DOCK9: variants seen among roughly 807,000 people sequenced by gnomAD.
DOCK9 encodes the protein dedicator of cytokinesis protein 9.
A neutral mutation model predicts 263.3 loss-of-function variants in DOCK9; 89 were observed. That is an observed-to-expected ratio of 0.34 (90% confidence interval 0.28 to 0.40). The LOEUF is 0.40. DOCK9 is among the 10% of genes least tolerant of loss of function. DOCK9 has a pLI of 1.00. For missense variants in DOCK9, 2,140 were observed against 2,603.4 expected (o/e 0.82, Z 3.87); for synonymous variants, 976 against 973.1 (o/e 1.00, Z -0.06).
chr13:99,079,075 T>G (rs573521394), intron 1 of DOCK9, among the ~76,000 whole-genome samples: 1 of 152,374 alleles, frequency 6.6e-6, no homozygotes, highest in Non-Finnish European at 1.5e-5. Context: ...AACCTCATTC[T>G]TATCAAACCT....
intron 1 of DOCK9, among the ~76,000 whole-genome samples, chr13:99,014,144 G>A (rs1885001369): frequency 1.3e-5 from 2 of 152,206 alleles, no homozygotes; most frequent in South Asian, 4.1e-4. Flanking sequence ...TTAAAGTCAG[G>A]TTAACCAAAG....
chr13:98,846,460 A>C, intron 37 of DOCK9: 1 of 1,245,956 alleles, frequency 8.0e-7, no homozygotes, highest in Non-Finnish European at 1.1e-6. Context: ...GCATTGGAAG[A>C]CACAGAGAAC....
At chr13:99,037,824 A>G (rs1175141947) in intron 1 of DOCK9, among the ~76,000 whole-genome samples, 2 of 152,218 alleles carry the variant, frequency 1.3e-5, no homozygotes, top group Non-Finnish European at 2.9e-5. Context: ...AACAACATGG[A>G]TGCGTCTCAA....
intron 50 of DOCK9, among the ~76,000 whole-genome samples, chr13:98,797,705 ATGGT>A (rs1299048826): frequency 6.6e-6 from 1 of 152,166 alleles, no homozygotes; most frequent in Non-Finnish European, 1.5e-5. Flanking sequence ...ACTTGTGATG[ATGGT>A]TTACTTTATG....
At chr13:99,004,283 G>A (rs892038763) in intron 1 of DOCK9, among the ~76,000 whole-genome samples, 7 of 152,278 alleles carry the variant, frequency 4.6e-5, no homozygotes, top group Admixed American at 3.9e-4. Context: ...ATGGATGTCT[G>A]AGAACTGAAG....
intron 1 of DOCK9, among the ~76,000 whole-genome samples, chr13:99,060,062 CTTTTTTTTTT>C (rs71114576): frequency 2.1e-4 from 13 of 61,462 alleles, no homozygotes; most frequent in South Asian, 7.6e-4. Flanking sequence ...ATTGTTTCTA[CTTTTTTTTTT>C]TTTTTTTTTT....
At chr13:98,807,525 A>G (rs2090867086) in intron 48 of DOCK9, 136 bp downstream of exon 48, 1 of 752,814 alleles carries the variant, frequency 1.3e-6, no homozygotes, top group African/African-American at 1.8e-5. Flanking sequence ...TATCAGGAAG[A>G]AAATACACCT....
intron 22 of DOCK9, 123 bp from the exon 23 acceptor site, chr13:98,883,254 G>A: frequency 1.1e-6 from 1 of 943,986 alleles, no homozygotes; most frequent in South Asian, 1.7e-5. Context: ...TGTTGTTGTT[G>A]CTGTTTTTTT....
Position 99,011,718 on chromosome 13 carries a change from G to T in DOCK9, c.130-56167C>A, listed in dbSNP as rs536691332. 2.2e-4 allele frequency among the ~76,000 whole-genome samples: 33 copies of T among 147,648 alleles called. 1 individual carries two copies. Among genetic ancestry groups the T allele is most frequent in the Admixed American group, 6.0e-4 (9 of 15,046 alleles). On this transcript the variant is annotated intron_variant, in intron 1 of 32. Coordinates refer to the DOCK9 transcript ENST00000427887. ...ACAAATAGCAGATAAGGAAACTGAG[G>T]AACAGAGTGGTTAAGTAAATTACCC...
In DOCK9 at chr13:98,922,108, G is replaced by A. The variant is rs1344559447; in HGVS notation, c.525C>T (p.Thr175=). ...TGCCTTTGTACAGCCAGCCATGCTTGGTGATCCCACCCTTCTGGGAACCAA... is the reference window on the plus strand; with the variant it reads ...TGCCTTTGTACAGCCAGCCATGCTTAGTGATCCCACCCTTCTGGGAACCAA... The part of the protein sequence containing the change: ...ASLGSQKGGI[T]KHGWLYKGNM... Residue 175 remains threonine (T), a synonymous_variant, in exon 6 of 53, where the codon ACC becomes ACT. Coordinates refer to ENST00000682017, the MANE Select transcript of DOCK9 (RefSeq NM_001366683.2). 2 of 1,601,928 alleles carry A rather than the reference G, an allele frequency of 1.2e-6. No homozygotes were observed.
At chr13:98,800,676 G>A (rs559635361) in intron 49 of DOCK9, among the ~76,000 whole-genome samples, 198 bp from the exon 50 acceptor site, 3 of 152,228 alleles carry the variant, frequency 2.0e-5, no homozygotes, top group African/African-American at 7.2e-5. Context: ...CGTGTGTCTC[G>A]TAAAGTCAAG....
chr13:98,971,682 TG>T (rs2059749103), intron 1 of DOCK9, among the ~76,000 whole-genome samples: 1 of 152,082 alleles, frequency 6.6e-6, no homozygotes, highest in Non-Finnish European at 1.5e-5. Context: ...CACTCCAGCC[TG>T]GGTGACAGAG....
chr13:99,067,460 G>C (rs1329020271), intron 1 of DOCK9, among the ~76,000 whole-genome samples: 1 of 152,142 alleles, frequency 6.6e-6, no homozygotes, highest in Non-Finnish European at 1.5e-5. Flanking sequence ...TGTGGAAAAA[G>C]ATCACAAGGG....
chr13:98,902,431 C>T lies in DOCK9; in HGVS notation c.1237G>A (p.Ala413Thr). Residue 413 changes from alanine (A) to threonine (T), a missense_variant, in exon 12 of 53, where the codon GCC becomes ACC. Around this residue, in one of 2 missense-constraint regions of DOCK9, gnomAD observed 1,521 missense variants for 1,741.7 expected, o/e 0.87. Transcript: ENST00000682017. ...FDIKYNRKISADFHVDLNHFS... is the reference protein window; with the variant it reads ...FDIKYNRKISTDFHVDLNHFS... ...TGGTTCAGGTCTACGTGGAAATCGG[C>T]AGAAATCTTCCGGTTGTATTTTATG... 6.2e-7 allele frequency: 1 copy of T among 1,613,976 alleles called. No individual in the cohort carries two copies. Among genetic ancestry groups the T allele is most frequent in the Non-Finnish European group, 8.5e-7 (1 of 1,179,896 alleles).
intron 38 of DOCK9, among the ~76,000 whole-genome samples, chr13:98,841,170 C>CA (rs961044759): frequency 1.4e-4 from 22 of 151,876 alleles, no homozygotes; most frequent in East Asian, 1.9e-4. Context: ...GATCCACAGA[C>CA]AAAAAAAACA....
At position 99,058,525 on chromosome 13, in the gene DOCK9, T is replaced by A. The variant is rs549243808; in HGVS notation, c.129+27698A>T. Among the ~76,000 whole-genome samples, 7 of 152,230 alleles carry A rather than the reference T, an allele frequency of 4.6e-5. No individual in the cohort carries two copies. The East Asian group carries it at 1.4e-3, about 29-fold the overall frequency. On this transcript the variant is annotated intron_variant, in intron 1 of 32. Transcript: ENST00000427887. ...CCACAGAGCACAGTGAAGAACCAGA[T>A]GAGACATCTGCTTGTGTCAGCAGGT... is the stretch of plus-strand genomic sequence containing the variant.
intron 45 of DOCK9, chr13:98,820,622 G>A (rs537882270): frequency 5.7e-5 from 22 of 386,034 alleles, no homozygotes; most frequent in South Asian, 3.9e-4. Flanking sequence ...TATATGGGGA[G>A]ATGTGCTCTG....
chr13:98,883,766 C>A, intron 22 of DOCK9, 47 bp downstream of exon 22: 3 of 1,345,832 alleles, frequency 2.2e-6, no homozygotes, highest in South Asian at 1.4e-5. Flanking sequence ...ATGGTGCAAA[C>A]TTTGTCACAG....
chr13:98,935,524 T>C (rs936251608), intron 2 of DOCK9, among the ~76,000 whole-genome samples: 2 of 152,190 alleles, frequency 1.3e-5, no homozygotes, highest in African/African-American at 4.8e-5. Flanking sequence ...TCCCAGCACT[T>C]TGAGGGGGCC....
Sources: allele counts gnomAD v4.1 joint callset (sites outside exome capture counted in the v4.1 genomes callset), GRCh38; gene constraint gnomAD v4.1.1; regional missense constraint gnomAD v4.1.1; transcripts MANE v1.5; gene names NCBI Gene and HGNC (gene_info 2026-07-23, HGNC 2026-07-21).